Variants in SKAP1 observed in about 807,000 individuals in gnomAD.
SKAP1 encodes the protein src kinase-associated phosphoprotein 1.
Under a neutral mutation model 58.5 loss-of-function variants are expected in SKAP1, and 44 were observed. The ratio of observed to expected loss-of-function variants is 0.75; its 90% CI spans 0.59 to 0.97. SKAP1 has a LOEUF of 0.97. Ranked by LOEUF, SKAP1 falls within the 50% of genes least tolerant of loss-of-function variation. The pLI, the probability that SKAP1 is intolerant of heterozygous loss-of-function variation, is 0.00. For synonymous variants in SKAP1, 127 were observed against 149.7 expected (o/e 0.85, Z 1.11); for missense variants, 390 against 435.2 (o/e 0.90, Z 0.92).
intron 4 of SKAP1, among the ~76,000 whole-genome samples, chr17:48,294,909 T>C (rs1407560879): frequency 1.3e-5 from 2 of 152,176 alleles, no homozygotes; most frequent in African/African-American, 2.4e-5. Flanking sequence ...AATGTCCCCA[T>C]GGCTCATCTG....
At chr17:48,146,480 G>A (rs1457643062) in intron 11 of SKAP1, among the ~76,000 whole-genome samples, 2 of 128,798 alleles carry the variant, frequency 1.6e-5, no homozygotes, top group African/African-American at 2.7e-5. Flanking sequence ...GCAACAGAGC[G>A]AGACTCCATT....
At chr17:48,330,533 T>C (rs959776317) in intron 4 of SKAP1, among the ~76,000 whole-genome samples, 3 of 151,886 alleles carry the variant, frequency 2.0e-5, no homozygotes, top group Non-Finnish European at 2.9e-5. Context: ...CCACCAGAGG[T>C]TAAACATATG....
At chr17:48,286,447 C>T (rs905603790) in intron 4 of SKAP1, among the ~76,000 whole-genome samples, 1 of 152,212 alleles carries the variant, frequency 6.6e-6, no homozygotes, top group African/African-American at 2.4e-5. Context: ...AACTTAACTT[C>T]AAGTTTCCTT....
intron 1 of SKAP1, among the ~76,000 whole-genome samples, chr17:48,429,374 CG>C (rs1567910920): frequency 6.6e-6 from 1 of 152,160 alleles, no homozygotes; most frequent in East Asian, 1.9e-4. Flanking sequence ...CGGGGATGGC[CG>C]GAACTCTTTA....
At chr17:48,169,345 A>G (rs980281401) in intron 10 of SKAP1, among the ~76,000 whole-genome samples, 1 of 152,174 alleles carries the variant, frequency 6.6e-6, no homozygotes, top group Admixed American at 6.5e-5. Context: ...GTCCACATGA[A>G]GTGTTTCTTT....
chr17:48,415,522 C>G (rs967695249), intron 1 of SKAP1, among the ~76,000 whole-genome samples: 1 of 152,146 alleles, frequency 6.6e-6, no homozygotes, highest in African/African-American at 2.4e-5. Context: ...CATCCCCTAA[C>G]CCCTCTCCTC....
intron 11 of SKAP1, among the ~76,000 whole-genome samples, chr17:48,139,162 A>ATTTG (rs1734770592): frequency 1.3e-5 from 2 of 151,794 alleles, no homozygotes; most frequent in African/African-American, 4.8e-5. Flanking sequence ...TACAGGTGTG[A>ATTTG]GCCACTGTGC....
intron 3 of SKAP1, among the ~76,000 whole-genome samples, chr17:48,358,445 G>A (rs2066902249): frequency 6.6e-6 from 1 of 151,980 alleles, no homozygotes; most frequent in Non-Finnish European, 1.5e-5. Flanking sequence ...CCAAGTATGT[G>A]ACCATAAGGG....
At chr17:48,409,808 A>G (rs2067638583) in intron 1 of SKAP1, among the ~76,000 whole-genome samples, 1 of 152,210 alleles carries the variant, frequency 6.6e-6, no homozygotes, top group South Asian at 2.1e-4. Flanking sequence ...TGGCAGATAC[A>G]TGACATCATG....
chr17:48,389,381 G>A (rs1359063369), intron 2 of SKAP1, among the ~76,000 whole-genome samples: 1 of 152,204 alleles, frequency 6.6e-6, no homozygotes, highest in Non-Finnish European at 1.5e-5. Context: ...CTACTGCAAA[G>A]CACTGCTGAG....
intron 4 of SKAP1, among the ~76,000 whole-genome samples, chr17:48,225,875 G>A (rs746521067): frequency 3.3e-5 from 5 of 152,164 alleles, no homozygotes; most frequent in East Asian, 1.9e-4. Context: ...TAGGACGTGC[G>A]AGAAAAGACA....
chr17:48,139,859 G>A (rs998749971), intron 11 of SKAP1, among the ~76,000 whole-genome samples: 4 of 152,006 alleles, frequency 2.6e-5, no homozygotes, highest in Admixed American at 6.6e-5. Context: ...CATTAAAGTC[G>A]GGGAAGCACC....
At chr17:48,350,255 A>G (rs2066781790) in intron 3 of SKAP1, among the ~76,000 whole-genome samples, 1 of 152,310 alleles carries the variant, frequency 6.6e-6, no homozygotes, top group African/African-American at 2.4e-5. Flanking sequence ...GAGAAAACAT[A>G]TATGTTTGCT....
At chr17:48,221,766 G>A (rs2065008956) in intron 4 of SKAP1, among the ~76,000 whole-genome samples, 1 of 152,192 alleles carries the variant, frequency 6.6e-6, no homozygotes, top group Admixed American at 6.5e-5. Flanking sequence ...GTCTCTTTCA[G>A]TTCTGTTCTC....
At chr17:48,304,866 C>T (rs1251119950) in intron 4 of SKAP1, among the ~76,000 whole-genome samples, 1 of 152,154 alleles carries the variant, frequency 6.6e-6, no homozygotes, top group Admixed American at 6.5e-5. Flanking sequence ...TGCATTCTCA[C>T]CAATATCTGT....
chr17:48,407,287 A>G (rs1034692272), intron 1 of SKAP1, among the ~76,000 whole-genome samples: 4 of 152,250 alleles, frequency 2.6e-5, no homozygotes, highest in Admixed American at 6.5e-5. Context: ...AGAAGTCAGA[A>G]CAGAACAATA....
At chr17:48,220,883 G>GAA (rs34654148) in intron 4 of SKAP1, among the ~76,000 whole-genome samples, 1 of 93,066 alleles carries the variant, frequency 1.1e-5, no homozygotes, top group African/African-American at 3.6e-5. Flanking sequence ...AAAAAGAAAA[G>GAA]AAAAAAAAAA....
At chr17:48,349,005 G>GGA (rs1354578167) in intron 3 of SKAP1, among the ~76,000 whole-genome samples, 2 of 152,216 alleles carry the variant, frequency 1.3e-5, no homozygotes, top group Admixed American at 6.5e-5. Context: ...TCCTGATGAT[G>GGA]GAGATGTTGT....
chr17:48,269,905 G>A (rs1029047424), intron 4 of SKAP1, among the ~76,000 whole-genome samples: 2 of 152,128 alleles, frequency 1.3e-5, no homozygotes, highest in Admixed American at 6.5e-5. Flanking sequence ...CTGAGGTCGG[G>A]AGTTCGCGAC....
Sources: allele counts gnomAD v4.1 joint callset (sites outside exome capture counted in the v4.1 genomes callset), GRCh38; gene constraint gnomAD v4.1.1; transcripts MANE v1.5; gene names NCBI Gene and HGNC (gene_info 2026-07-23, HGNC 2026-07-21).